Variants in CALN1 observed in about 807,000 individuals in gnomAD.
CALN1 encodes the protein calneuron 1.
Under a neutral mutation model 30.6 loss-of-function variants are expected in CALN1, and 17 were observed. The ratio of observed to expected loss-of-function variants is 0.56; its 90% CI spans 0.38 to 0.83. The LOEUF is 0.83. Ranked by LOEUF, CALN1 falls within the 40% of genes least tolerant of loss-of-function variation. CALN1 has a pLI of 0.00. For missense variants in CALN1, 291 were observed against 354.9 expected (o/e 0.82, Z 1.45); for synonymous variants, 156 against 131.4 (o/e 1.19, Z -1.28).
chr7:72,383,796 A>C (rs989373238), intron 2 of CALN1, among the ~76,000 whole-genome samples: 1 of 152,242 alleles, frequency 6.6e-6, no homozygotes, highest in Non-Finnish European at 1.5e-5. Flanking sequence ...AGTGCAGCTA[A>C]GGGTGGAGGC....
Position 72,394,686 on chromosome 7 carries a change from C to T in CALN1, c.119+8565G>A, listed in dbSNP as rs546630165. On this transcript the variant is annotated intron_variant, in intron 2 of 6. Transcript: ENST00000395275. ...ACTTTTTTTTTTTTTTTTTGAGACA[C>T]AGTCTCACTATGTTGCCCAGGCTGA... 1.3e-3 allele frequency among the ~76,000 whole-genome samples: 194 copies of T among 143,742 alleles called. 4 individuals are homozygous for T. The highest frequency in any genetic ancestry group is 4.6e-3 in the African/African-American group (178 of 38,496). The allele number at this position is 143,742 out of a possible 152,430, so 94.3% of individuals were successfully genotyped here.
chr7:72,259,581 C>T, intron 3 of CALN1, among the ~76,000 whole-genome samples: 1 of 152,090 alleles, frequency 6.6e-6, no homozygotes, highest in Admixed American at 6.6e-5. Flanking sequence ...AAGCGGGAAT[C>T]CCACTCCCAC....
At chr7:72,280,773 G>A (rs1459391086) in intron 2 of CALN1, among the ~76,000 whole-genome samples, 2 of 152,146 alleles carry the variant, frequency 1.3e-5, no homozygotes, top group Admixed American at 6.5e-5. Context: ...TTTAAGAGGT[G>A]ATTAGGTCAT....
At position 71,994,473 on chromosome 7, in the gene CALN1, C is replaced by T. The variant is rs1428585394; in HGVS notation, c.501+29184G>A. Among the ~76,000 whole-genome samples the T allele has an allele frequency of 2.1e-5, 3 of 143,304 alleles. No homozygotes were observed. The East Asian group carries it at 6.3e-4, about 30-fold the overall frequency. 94.0% of individuals were successfully genotyped at this position (143,304 alleles called of 152,430 possible). A position where few individuals can be genotyped will look rare whatever the true frequency, so the allele number is the denominator to read the frequency against. On this transcript the variant is annotated intron_variant, in intron 5 of 6. Transcript: ENST00000395275. Reference sequence around the variant, plus strand: ...GTTGCCGTGAGCCGAGATCGTGCCACTGCACTCCACCCTGGGCGACAGAGC... The same window carrying T: ...GTTGCCGTGAGCCGAGATCGTGCCATTGCACTCCACCCTGGGCGACAGAGC...
At chr7:71,979,088 G>GC (rs2129527012) in intron 5 of CALN1, among the ~76,000 whole-genome samples, 1 of 152,142 alleles carries the variant, frequency 6.6e-6, no homozygotes, top group Non-Finnish European at 1.5e-5. Context: ...CAAGCCTACT[G>GC]CCCCTTAGCT....
chr7:72,069,043 A>G (rs1318248869), intron 4 of CALN1, among the ~76,000 whole-genome samples: 1 of 152,242 alleles, frequency 6.6e-6, no homozygotes, highest in Non-Finnish European at 1.5e-5. Flanking sequence ...GCTTTTGAGT[A>G]CAATGAAAAT....
the CALN1 span, among the ~76,000 whole-genome samples, chr7:72,475,919 C>A: frequency 1.2e-4 from 18 of 144,726 alleles, no homozygotes; most frequent in African/African-American, 4.8e-4. Flanking sequence ...CCTGAACATG[C>A]TCTCTCTCTC....
chr7:72,218,609 T>C (rs1301161682), intron 3 of CALN1, among the ~76,000 whole-genome samples: 1 of 152,142 alleles, frequency 6.6e-6, no homozygotes, highest in East Asian at 1.9e-4. Context: ...ACGCCATGCT[T>C]GAAGAAGTTT....
chr7:72,100,200 C>T (rs1340918753), intron 4 of CALN1, among the ~76,000 whole-genome samples: 1 of 151,578 alleles, frequency 6.6e-6, no homozygotes, highest in Non-Finnish European at 1.5e-5. Flanking sequence ...GCTCTGTTAC[C>T]CGGGCTGGAG....
intron 4 of CALN1, among the ~76,000 whole-genome samples, chr7:72,028,807 A>G (rs1309048911): frequency 6.6e-6 from 1 of 152,148 alleles, no homozygotes; most frequent in African/African-American, 2.4e-5. Flanking sequence ...CCTGGCCAAC[A>G]TGGTGAAACC....
At position 72,049,104 on chromosome 7, in the gene CALN1, C is replaced by T. The variant is rs117633331; in HGVS notation, c.389-25335G>A. 1.5e-4 allele frequency among the ~76,000 whole-genome samples: 23 copies of T among 152,146 alleles called. No individual in the cohort carries two copies. In the East Asian group the frequency reaches 3.5e-3, roughly 23 times the overall value. On this transcript the variant is annotated intron_variant, in intron 4 of 6. Coordinates refer to ENST00000395275, the MANE Select transcript of CALN1 (RefSeq NM_031468.4). ...GATTATCGGTGTGAGCCACCGCACC[C>T]AGCCAGAAAATATGATATCATATTA...
intron 5 of CALN1, among the ~76,000 whole-genome samples, chr7:71,947,520 T>C (rs1225792098): frequency 1.3e-5 from 2 of 152,222 alleles, no homozygotes; most frequent in African/African-American, 4.8e-5. Context: ...ATGGTATGTC[T>C]TGAATTTCTG....
In CALN1 at chr7:72,187,405, T is replaced by C. The variant is rs1177430374; in HGVS notation, c.245-81111A>G. Among the ~76,000 whole-genome samples the C allele has an allele frequency of 3.3e-5, 5 of 152,148 alleles. No individual in the cohort carries two copies. In the East Asian group the frequency reaches 7.7e-4, roughly 23 times the overall value. On this transcript the variant is annotated intron_variant, in intron 3 of 6. Transcript: ENST00000395275. ...AGATGGGTACAGGTCCACAGCCTGT[T>C]AGGAACCGGGCCACACAGCAGGAGG...
In CALN1 at chr7:72,395,888, G is replaced by C. The variant is rs76993104; in HGVS notation, c.119+7363C>G. On this transcript the variant is annotated intron_variant, in intron 2 of 6. Transcript: ENST00000395275. ...TGTCAGGGAAGGAGCCCAGTGATCA[G>C]AATTCCAGGAGCTTCCTGAAAAGCT... Among the ~76,000 whole-genome samples the C allele has an allele frequency of 8.7e-3, 1,332 of 152,230 alleles. 23 individuals are homozygous for C. The highest frequency in any genetic ancestry group is 0.029 in the African/African-American group (1,198 of 41,540).
chr7:71,840,854 T>C (rs1789898653), intron 5 of CALN1, among the ~76,000 whole-genome samples: 1 of 152,190 alleles, frequency 6.6e-6, no homozygotes, highest in South Asian at 2.1e-4. Flanking sequence ...TGATAGCATT[T>C]TGGAGGGAAA....
intron 2 of CALN1, among the ~76,000 whole-genome samples, chr7:72,383,089 A>C (rs1805008114): frequency 6.6e-6 from 1 of 152,052 alleles, no homozygotes; most frequent in African/African-American, 2.4e-5. Context: ...CCCAGCCAGG[A>C]TTTTGTTCTT....
chr7:72,333,895 T>C (rs748844220), intron 2 of CALN1, among the ~76,000 whole-genome samples: 1 of 152,154 alleles, frequency 6.6e-6, no homozygotes, highest in African/African-American at 2.4e-5. Flanking sequence ...TCAACGAATA[T>C]AGGGCACCCA....
intron 4 of CALN1, among the ~76,000 whole-genome samples, chr7:72,048,532 C>T (rs1160965522): frequency 6.6e-6 from 1 of 152,090 alleles, no homozygotes. Flanking sequence ...ATGATATGAA[C>T]TTTTTACTTA....
chr7:72,097,136 A>C (rs532984725), intron 4 of CALN1, among the ~76,000 whole-genome samples: 1 of 152,136 alleles, frequency 6.6e-6, no homozygotes, highest in East Asian at 1.9e-4. Flanking sequence ...AGGAAGGGGA[A>C]TATCACACAC....
Sources: allele counts gnomAD v4.1 joint callset (sites outside exome capture counted in the v4.1 genomes callset), GRCh38; gene constraint gnomAD v4.1.1; transcripts MANE v1.5; gene names NCBI Gene and HGNC (gene_info 2026-07-23, HGNC 2026-07-21).